Variants in MTF2 observed in about 807,000 individuals in gnomAD.
The protein encoded by MTF2 is metal response element binding transcription factor 2.
A neutral mutation model predicts 79.5 loss-of-function variants in MTF2; 11 were observed. The ratio of observed to expected loss-of-function variants is 0.14; its 90% CI spans 0.09 to 0.23. The LOEUF (loss-of-function observed/expected upper bound fraction) is 0.23. Among genes scored for constraint, MTF2 ranks in the 10% least tolerant of loss-of-function variants. The probability of loss-of-function intolerance (pLI) is 1.00; values close to 1 mark genes in which losing one functional copy is unlikely to be tolerated. For synonymous variants in MTF2, 208 were observed against 232.8 expected (o/e 0.89, Z 0.97); for missense variants, 486 against 711.2 (o/e 0.68, Z 3.60).
rs185411100 is a variant in MTF2, at chr1:93,091,262, T to C, written c.5+11731T>C. Among the ~76,000 whole-genome samples, 5 of 152,372 alleles carry C rather than the reference T, an allele frequency of 3.3e-5. No homozygotes were observed. The East Asian group carries it at 9.6e-4, about 29-fold the overall frequency. The stretch of plus-strand genomic sequence containing the variant: ...ACTTAGTTGTATTTTCTCATTTTTT[T>C]GGTAATATTTTACTCTCTGGGTTAT... On this transcript the variant is annotated intron_variant, in intron 1 of 14. Transcript: ENST00000370298.
chr1:93,108,268 TTGTG>T (rs146951003), intron 1 of MTF2, among the ~76,000 whole-genome samples: 1 of 151,170 alleles, frequency 6.6e-6, no homozygotes, highest in Non-Finnish European at 1.5e-5. Context: ...TTGGTATTCT[TTGTG>T]TGTGTGTGTG....
intron 9 of MTF2, among the ~76,000 whole-genome samples, chr1:93,125,628 A>G (rs542451201): frequency 6.6e-6 from 1 of 152,082 alleles, no homozygotes; most frequent in African/African-American, 2.4e-5. Context: ...TTAGCCATAA[A>G]CACAAACAGT....
At chr1:93,084,292 T>C (rs766343230) in intron 1 of MTF2, among the ~76,000 whole-genome samples, 1 of 152,216 alleles carries the variant, frequency 6.6e-6, no homozygotes, top group African/African-American at 2.4e-5. Context: ...CAAAAATAAA[T>C]TAACCATACA....
At chr1:93,083,506 G>T (rs1456042474) in intron 1 of MTF2, among the ~76,000 whole-genome samples, 1 of 152,088 alleles carries the variant, frequency 6.6e-6, no homozygotes, top group Non-Finnish European at 1.5e-5. Context: ...TTTGACTATT[G>T]TAAGTAATGC....
intron 1 of MTF2, among the ~76,000 whole-genome samples, chr1:93,081,522 TC>T (rs1202180328): frequency 2.6e-5 from 4 of 152,244 alleles, no homozygotes; most frequent in Admixed American, 2.6e-4. Flanking sequence ...AGTCGACACT[TC>T]CATGAACGAT....
intron 10 of MTF2, among the ~76,000 whole-genome samples, chr1:93,127,685 T>A (rs1351001420): frequency 6.6e-6 from 1 of 152,196 alleles, no homozygotes; most frequent in Non-Finnish European, 1.5e-5. Context: ...TTAAAAAGAT[T>A]GAGATCTGTG....
At position 93,136,738 on chromosome 1, in the gene MTF2, G is replaced by C. The variant is rs1411801351; in HGVS notation, c.1493G>C (p.Arg498Thr). ...CCTGCTGCAATACCACATTTGCGGA[G>C]AAGAAGAGGTCGTCTTCCAAGAAGA... ...SWPAAIPHLR[R>T]RRGRLPRRAL... Residue 498 changes from arginine to threonine, a missense_variant, in exon 15 of 15, where the codon AGA becomes ACA. Coordinates refer to ENST00000370298, the MANE Select transcript of MTF2 (RefSeq NM_007358.4). The C allele has an allele frequency of 6.2e-7, 1 of 1,614,018 alleles. No individual in the cohort carries two copies. The highest frequency in any genetic ancestry group is 2.2e-5 in the East Asian group (1 of 44,888).
intron 6 of MTF2, among the ~76,000 whole-genome samples, chr1:93,117,707 C>T (rs1460776361): frequency 6.6e-6 from 1 of 152,110 alleles, no homozygotes; most frequent in African/African-American, 2.4e-5. Flanking sequence ...TCTGACCTCT[C>T]CTGGGGTTTA....
At chr1:93,079,677 G>A in intron 1 of MTF2, 146 bp downstream of exon 1, 1 of 1,030,008 alleles carries the variant, frequency 9.7e-7, no homozygotes, top group Non-Finnish European at 1.5e-6. Flanking sequence ...TTGCATTTAT[G>A]TGTATATTGA....
intron 1 of MTF2, among the ~76,000 whole-genome samples, chr1:93,090,403 C>T (rs112975079): frequency 0.09 from 13,185 of 145,698 alleles, 649 homozygotes; most frequent in African/African-American, 0.13. Flanking sequence ...TGAGCCACTG[C>T]GCCTGGCCAA....
chr1:93,090,886 A>T (rs1256066008), intron 1 of MTF2, among the ~76,000 whole-genome samples: 1 of 150,924 alleles, frequency 6.6e-6, no homozygotes, highest in Non-Finnish European at 1.5e-5. Context: ...GATGGTCTCG[A>T]TCTCCTGACC....
At chr1:93,101,567 GGTTTTTTT>G (rs1465640403) in intron 1 of MTF2, among the ~76,000 whole-genome samples, 1 of 10,434 alleles carries the variant, frequency 9.6e-5, no homozygotes, top group African/African-American at 2.4e-4. Flanking sequence ...TGCTCAGGCT[GGTTTTTTT>G]TTTTTTTTTT....
intron 3 of MTF2, among the ~76,000 whole-genome samples, chr1:93,111,814 T>C (rs941682634): frequency 6.6e-6 from 1 of 152,142 alleles, no homozygotes; most frequent in African/African-American, 2.4e-5. Flanking sequence ...GCACACAAAA[T>C]TATTCTTTTT....
Position 93,118,480 on chromosome 1 carries a change from A to C in MTF2, c.728+40A>C, listed in dbSNP as rs765564036. The C allele has an allele frequency of 6.5e-6, 9 of 1,377,672 alleles. No individual in the cohort carries two copies. In the Admixed American group the frequency reaches 1.9e-4, roughly 30 times the overall value. 85.3% of individuals were successfully genotyped at this position (1,377,672 alleles called of 1,614,324 possible). ...TGAACTTTACTGGCTGATTTTTGTC[A>C]CTTTTTAATTGTGGTTATATTTGTG... On this transcript the variant is annotated intron_variant, in intron 7 of 14. Coordinates refer to ENST00000370298, the MANE Select transcript of MTF2 (RefSeq NM_007358.4).
At chr1:93,087,603 T>C (rs1401534193) in intron 1 of MTF2, among the ~76,000 whole-genome samples, 4 of 150,440 alleles carry the variant, frequency 2.7e-5, no homozygotes, top group Non-Finnish European at 1.5e-5. Flanking sequence ...TGGCAAAATA[T>C]ACTGTGGACA....
chr1:93,089,835 A>C (rs527897165), intron 1 of MTF2, among the ~76,000 whole-genome samples: 38 of 136,484 alleles, frequency 2.8e-4, no homozygotes, highest in Non-Finnish European at 4.8e-4. Context: ...CCCAGTATTA[A>C]TAGCTTGATT....
At chr1:93,131,945 T>C (rs1192291206) in intron 11 of MTF2, among the ~76,000 whole-genome samples, 1 of 152,148 alleles carries the variant, frequency 6.6e-6, no homozygotes, top group Non-Finnish European at 1.5e-5. Flanking sequence ...CCTGGTAGCC[T>C]CCATTTTCTC....
intron 11 of MTF2, 79 bp from the exon 12 acceptor site, chr1:93,133,622 ATG>A (rs1647231385): frequency 2.8e-6 from 2 of 705,682 alleles, no homozygotes; most frequent in South Asian, 6.2e-5. Context: ...ATATATGTAT[ATG>A]TGTCTAGTTA....
chr1:93,110,265 A>G lies in MTF2; in HGVS notation c.41A>G (p.Lys14Arg), dbSNP rs750955831. ...STGAGNSLVH[K>R]RSPLRRNQKT... The stretch of plus-strand genomic sequence containing the variant: ...GGGGCAGGTAATTCACTGGTCCACA[A>G]GCGGTCTCCTTTACGTCGAAACCAA... The change falls in exon 2 of 15, where the codon AAG (lysine) becomes AGG (arginine). Residue 14 changes from lysine to arginine, a missense_variant. By Grantham distance (26) the Lys-to-Arg change is conservative. Transcript: ENST00000370298. 5 of 1,614,138 alleles carry G rather than the reference A, an allele frequency of 3.1e-6. No individual in the cohort carries two copies. The highest frequency in any genetic ancestry group is 2.2e-5 in the South Asian group (2 of 91,074).
Sources: gnomAD v4.1 joint callset for allele counts (sites outside exome capture counted in the v4.1 genomes callset) on GRCh38, gnomAD v4.1.1 for gene constraint, MANE v1.5 for transcripts, NCBI Gene and HGNC (gene_info 2026-07-23, HGNC 2026-07-21) for gene names.